MAN2A1: variants seen among roughly 807,000 people sequenced by gnomAD.
MAN2A1 encodes alpha-mannosidase 2.
Under a neutral mutation model 142.6 loss-of-function variants are expected in MAN2A1, and 76 were observed. The ratio of observed to expected loss-of-function variants is 0.53; its 90% confidence interval spans 0.44 to 0.65. The LOEUF (loss-of-function observed/expected upper bound fraction) is 0.65, where lower values mean the gene tolerates loss of function less well. Ranked by LOEUF, MAN2A1 falls within the 30% of genes least tolerant of loss-of-function variation. The pLI, the probability that MAN2A1 is intolerant of heterozygous loss-of-function variation, is 0.00. For missense variants in MAN2A1, 1,311 were observed against 1,365.1 expected (o/e 0.96, Z 0.62); for synonymous variants, 559 against 473.2 (o/e 1.18, Z -2.35).
chr5:109,725,433 G>A (rs976511168), intron 3 of MAN2A1, among the ~76,000 whole-genome samples: 1 of 152,174 alleles, frequency 6.6e-6, no homozygotes, highest in Non-Finnish European at 1.5e-5. Context: ...CTTGGCCACT[G>A]TTTAGGCTAG....
chr5:109,765,904 G>A (rs1031634593), intron 5 of MAN2A1, among the ~76,000 whole-genome samples: 1 of 151,908 alleles, frequency 6.6e-6, no homozygotes, highest in African/African-American at 2.4e-5. Context: ...TATATTCCAG[G>A]CTATCATGTA....
At chr5:109,769,257 A>C (rs1412160792) in intron 6 of MAN2A1, among the ~76,000 whole-genome samples, 1 of 152,196 alleles carries the variant, frequency 6.6e-6, no homozygotes, top group African/African-American at 2.4e-5. Context: ...AATAGTTTTA[A>C]ATTTGGAAAA....
chr5:109,739,554 TTG>T (rs1752206765), intron 4 of MAN2A1, among the ~76,000 whole-genome samples: 2 of 152,194 alleles, frequency 1.3e-5, no homozygotes, highest in Admixed American at 1.3e-4. Flanking sequence ...CTTTGAGTAT[TTG>T]GTTCTAACTT....
intron 4 of MAN2A1, among the ~76,000 whole-genome samples, chr5:109,734,107 A>C (rs954049681): frequency 7.9e-5 from 12 of 152,136 alleles, no homozygotes; most frequent in African/African-American, 2.7e-4. Flanking sequence ...GTATGTGTCC[A>C]GGAATTTATC....
In MAN2A1 at chr5:109,694,116, G is replaced by A. The variant is rs181199304; in HGVS notation, c.135+3564G>A. ...TCTGGAGAAGTAAATTAATGAGTCA[G>A]GTTTTGTATAACAAATGATCACTTT... is the stretch of plus-strand genomic sequence containing the variant. On this transcript the variant is annotated intron_variant, in intron 1 of 21. Transcript: ENST00000261483. 2.4e-3 allele frequency among the ~76,000 whole-genome samples: 372 copies of A among 152,234 alleles called. 2 individuals carry two copies. Among genetic ancestry groups the A allele is most frequent in the Middle Eastern group, 0.02 (6 of 294 alleles).
intron 4 of MAN2A1, among the ~76,000 whole-genome samples, chr5:109,739,902 A>T (rs1053106857): frequency 2.0e-5 from 3 of 152,120 alleles, no homozygotes; most frequent in Non-Finnish European, 4.4e-5. Context: ...CAGGGCTTTG[A>T]ATCTTTAGAG....
chr5:109,845,975 T>C lies in MAN2A1; in HGVS notation c.2811T>C (p.Ala937=), dbSNP rs1281644678. 6.2e-7 allele frequency: 1 copy of C among 1,613,488 alleles called. No individual in the cohort carries two copies. Among genetic ancestry groups the C allele is most frequent in the African/African-American group, 1.3e-5 (1 of 74,892 alleles). The part of the protein sequence containing the change: ...DAKHRLTLLS[A]QSLGVSSLNS... ...AACATCGTTTGACACTGCTCTCTGC[T>C]CAGTCATTAGGGGTTTCGAGTTTGA... The change falls in exon 18 of 22, where the codon GCT becomes GCC. Residue 937 remains alanine (A), a synonymous_variant. Transcript: ENST00000261483.
intron 4 of MAN2A1, among the ~76,000 whole-genome samples, chr5:109,732,035 C>A (rs1333966471): frequency 6.6e-6 from 1 of 151,976 alleles, no homozygotes; most frequent in African/African-American, 2.4e-5. Flanking sequence ...TGTTTCCTGA[C>A]TTTTTAATGA....
At chr5:109,744,407 G>T (rs1157184960) in intron 4 of MAN2A1, among the ~76,000 whole-genome samples, 1 of 152,128 alleles carries the variant, frequency 6.6e-6, no homozygotes, top group East Asian at 1.9e-4. Flanking sequence ...TGTGAGAAGA[G>T]AATGGTGATT....
intron 6 of MAN2A1, 40 bp downstream of exon 6, chr5:109,767,748 G>T: frequency 3.8e-6 from 6 of 1,559,414 alleles, no homozygotes; most frequent in Non-Finnish European, 5.2e-6. Flanking sequence ...ATTTGGCCTA[G>T]ATACTATTTC....
rs1751102444 is a variant in MAN2A1 at position 109,705,416 on chromosome 5, G to A, written c.136-8104G>A. On this transcript the variant is annotated intron_variant, in intron 1 of 21. Coordinates refer to ENST00000261483, the MANE Select transcript of MAN2A1 (RefSeq NM_002372.4). Reference sequence around the variant, plus strand: ...TCCTTTATTCAAAGTTAGGTGTAGAGCCTTGTTAGACCAAATTATGCCCCT... The same window carrying A: ...TCCTTTATTCAAAGTTAGGTGTAGAACCTTGTTAGACCAAATTATGCCCCT... Among the ~76,000 whole-genome samples the A allele has an allele frequency of 2.0e-5, 3 of 151,712 alleles. No individual in the cohort carries two copies. The South Asian group carries it at 6.3e-4, about 32-fold the overall frequency.
chr5:109,755,015 A>G (rs1165605228), intron 4 of MAN2A1, among the ~76,000 whole-genome samples: 1 of 152,136 alleles, frequency 6.6e-6, no homozygotes, highest in Non-Finnish European at 1.5e-5. Context: ...TAAATAAATA[A>G]ATAAACCAAC....
rs556798964 is a variant in MAN2A1, at chr5:109,862,934, G to A, written c.3172-2102G>A. ...TTTTATGACTTTTATCTCTATTTTT[G>A]TATTGTCGGTTTAAATCTCTTGTAG... On this transcript the variant is annotated intron_variant, in intron 20 of 21. Coordinates refer to ENST00000261483, the MANE Select transcript of MAN2A1 (RefSeq NM_002372.4). The A allele has an allele frequency of 5.7e-4, 87 of 152,132 alleles. 1 individual carries two copies. Among genetic ancestry groups the A allele is most frequent in the African/African-American group, 2.0e-3 (82 of 41,518 alleles). 9.4% of individuals were successfully genotyped at this position (152,132 alleles called of 1,614,324 possible).
chr5:109,710,161 C>G (rs1038729805), intron 1 of MAN2A1, among the ~76,000 whole-genome samples: 1 of 152,204 alleles, frequency 6.6e-6, no homozygotes, highest in Non-Finnish European at 1.5e-5. Context: ...TAATTCAGTA[C>G]AGAATTCCAG....
At position 109,755,043 on chromosome 5, in the gene MAN2A1, A is replaced by G. The variant is rs142493093; in HGVS notation, c.708-286A>G. Reference sequence around the variant, plus strand: ...AAACCAACCAGATGTGGCTTTTGACATTAAGAATCTTTGAGGCTGTATGGG... The same window carrying G: ...AAACCAACCAGATGTGGCTTTTGACGTTAAGAATCTTTGAGGCTGTATGGG... On this transcript the variant is annotated intron_variant, in intron 4 of 21. Transcript: ENST00000261483. 8.8e-3 allele frequency among the ~76,000 whole-genome samples: 1,345 copies of G among 152,246 alleles called. 21 individuals are homozygous for G. The highest frequency in any genetic ancestry group is 0.031 in the African/African-American group (1,273 of 41,534).
intron 4 of MAN2A1, among the ~76,000 whole-genome samples, chr5:109,738,240 T>G (rs1320577523): frequency 7.7e-4 from 117 of 151,212 alleles, no homozygotes; most frequent in African/African-American, 2.5e-3. Flanking sequence ...TATGTTTTTT[T>G]TTTTTTTTTT....
chr5:109,859,770 C>T (rs915240274), intron 20 of MAN2A1, among the ~76,000 whole-genome samples: 10 of 151,924 alleles, frequency 6.6e-5, no homozygotes, highest in Non-Finnish European at 1.5e-4. Flanking sequence ...GAAGCTGGAG[C>T]TGCTGGTTCA....
chr5:109,822,762 C>T (rs969614404), intron 15 of MAN2A1, among the ~76,000 whole-genome samples: 2 of 152,044 alleles, frequency 1.3e-5, no homozygotes, highest in African/African-American at 4.8e-5. Flanking sequence ...ACTGCAAGCT[C>T]CGCCTCCTGG....
At chr5:109,721,615 G>C (rs1245979485) in intron 3 of MAN2A1, among the ~76,000 whole-genome samples, 1 of 152,082 alleles carries the variant, frequency 6.6e-6, no homozygotes, top group South Asian at 2.1e-4. Context: ...GTTAAATGGC[G>C]CTGTATGGCT....
Sources: allele counts gnomAD v4.1 joint callset (sites outside exome capture counted in the v4.1 genomes callset), GRCh38; gene constraint gnomAD v4.1.1; transcripts MANE v1.5; gene names NCBI Gene and HGNC (gene_info 2026-07-23, HGNC 2026-07-21).